ZC3H7A: variants seen among roughly 807,000 people sequenced by gnomAD.
The protein encoded by ZC3H7A is zinc finger CCCH domain-containing protein 7A.
In ZC3H7A, 44 loss-of-function variants were observed where a neutral mutation model predicts 125.5. That is an observed-to-expected ratio of 0.35 (90% CI 0.28 to 0.45). The LOEUF is 0.45. Among genes scored for constraint, ZC3H7A ranks in the 20% least tolerant of loss-of-function variants. The pLI is 1.00. For synonymous variants in ZC3H7A, 399 were observed against 391.2 expected, an observed-to-expected ratio of 1.02 and a Z score of -0.23; for missense variants, 977 against 1,170.7, an observed-to-expected ratio of 0.83 and a Z score of 2.41.
chr16:11,775,755 C>T (rs1354544446), intron 7 of ZC3H7A: 1 of 152,262 alleles, frequency 6.6e-6, no homozygotes, highest in Admixed American at 6.5e-5. Context: ...TCTTATTGCA[C>T]TGAAACCTAA....
At chr16:11,784,776 C>T (rs1454987895) in intron 1 of ZC3H7A, among the ~76,000 whole-genome samples, 1 of 150,682 alleles carries the variant, frequency 6.6e-6, no homozygotes, top group African/African-American at 2.5e-5. Context: ...ATCACTTGAA[C>T]CTGGGAGGCG....
rs1247432442 is a variant in ZC3H7A at position 11,753,092 on chromosome 16, G to A, written c.2563-260C>T. ...TGGTATGCAAACAAGGATGTTTGCT[G>A]GGAGAACAAGAGGCAGGTACAAACA... On this transcript the variant is annotated intron_variant, in intron 21 of 22. Transcript: ENST00000355758. 4 of 404,294 alleles carry A rather than the reference G, an allele frequency of 9.9e-6. No individual in the cohort carries two copies. The East Asian group carries it at 1.8e-4, about 18-fold the overall frequency. The allele number at this position is 404,294 out of a possible 1,614,324, so 25.0% of individuals were successfully genotyped here.
At chr16:11,777,432 C>G (rs2053099267) in intron 4 of ZC3H7A, among the ~76,000 whole-genome samples, 1 of 151,574 alleles carries the variant, frequency 6.6e-6, no homozygotes, top group African/African-American at 2.4e-5. Flanking sequence ...AAATTAAAAG[C>G]ACTTCAGGTT....
chr16:11,774,849 T>G, intron 8 of ZC3H7A, 131 bp downstream of exon 8: 1 of 1,139,612 alleles, frequency 8.8e-7, no homozygotes, highest in Non-Finnish European at 1.3e-6. Context: ...GAAATCATTT[T>G]CACTTTCATA....
intron 9 of ZC3H7A, among the ~76,000 whole-genome samples, chr16:11,773,868 G>C (rs984534118): frequency 6.6e-6 from 1 of 151,834 alleles, no homozygotes; most frequent in Non-Finnish European, 1.5e-5. Context: ...GGGCAACAGA[G>C]CAAGACTCCG....
chr16:11,765,423 G>T lies in ZC3H7A; in HGVS notation c.1719+66C>A. 1 of 1,200,786 alleles carries T rather than the reference G, an allele frequency of 8.3e-7. No homozygotes were observed. Among genetic ancestry groups the T allele is most frequent in the Non-Finnish European group, 1.2e-6 (1 of 855,052 alleles). 74.4% of individuals were successfully genotyped at this position (1,200,786 alleles called of 1,614,324 possible). A position where few individuals can be genotyped will look rare whatever the true frequency, so the allele number is the denominator to read the frequency against. On this transcript the variant is annotated intron_variant, in intron 14 of 22. Transcript: ENST00000355758. This position sits in a 1 kb window ranked among gnomAD's most constrained non-coding sequence, Gnocchi z 4.8. ...TACCAAGTGAATGTTTTATCACATG[G>T]CAGGACAATACCACTGGGCTTGCAA...
At chr16:11,754,321 AAT>A (rs1555493022) in intron 21 of ZC3H7A, among the ~76,000 whole-genome samples, 15 of 140,474 alleles carry the variant, frequency 1.1e-4, no homozygotes, top group African/African-American at 3.6e-4. Flanking sequence ...AAGAAAAAAA[AAT>A]ATATATATAT....
rs1433247808 is a variant in ZC3H7A at position 11,768,334 on chromosome 16, C to T, written c.1341G>A (p.Gln447=). Residue 447 remains glutamine, a synonymous_variant, in exon 12 of 23, where the codon CAG becomes CAA. Coordinates refer to ENST00000355758, the MANE Select transcript of ZC3H7A (RefSeq NM_014153.4). The part of the protein sequence containing the change: ...EGTHELRQAC[Q]ICFVKSGPKL... Reference sequence around the variant, plus strand: ...CCTGACCTGATTTTACAAAACAGATCTGGCAAGCTTGTCTCAATTCATGGG... The same window carrying T: ...CCTGACCTGATTTTACAAAACAGATTTGGCAAGCTTGTCTCAATTCATGGG... 1 of 1,553,876 alleles carries T rather than the reference C, an allele frequency of 6.4e-7. No individual in the cohort carries two copies. Among genetic ancestry groups the T allele is most frequent in the Admixed American group, 1.8e-5 (1 of 56,134 alleles).
chr16:11,796,195 A>G (rs950065593), intron 1 of ZC3H7A: 1 of 152,210 alleles, frequency 6.6e-6, no homozygotes, highest in African/African-American at 2.4e-5. Flanking sequence ...CCATCTCAAC[A>G]TGCATTTAAG....
rs2052648328 is a variant in ZC3H7A, at chr16:11,756,302, C to T, written c.2497G>A (p.Ala833Thr). 1 of 1,614,084 alleles carries T rather than the reference C, an allele frequency of 6.2e-7. No individual in the cohort carries two copies. Among genetic ancestry groups the T allele is most frequent in the African/African-American group, 1.3e-5 (1 of 75,042 alleles). ...SQKNEKSEDI[A>T]SQSNKENGKQ... ...CCATTTTCCTTGTTTGACTGACTGG[C>T]TATGTCTTCACTTTTTTCATTTTTT... is the stretch of plus-strand genomic sequence containing the variant. The change falls in exon 21 of 23, where the codon GCC becomes ACC. Residue 833 changes from alanine (A) to threonine (T), a missense_variant. By Grantham distance (58) the Ala-to-Thr change is moderately conservative (BLOSUM62 0). This residue lies in a region of ZC3H7A where 436 missense variants were observed against 603.2 expected (regional missense o/e 0.72). Transcript: ENST00000355758.
At chr16:11,777,451 T>C (rs1399769399) in intron 4 of ZC3H7A, among the ~76,000 whole-genome samples, 2 of 142,198 alleles carry the variant, frequency 1.4e-5, no homozygotes, top group African/African-American at 6.3e-5. Context: ...TTGGGCACAG[T>C]GCCTCACAGC....
intron 18 of ZC3H7A, 192 bp downstream of exon 18, chr16:11,761,718 G>GA: frequency 1.1e-6 from 1 of 883,214 alleles, no homozygotes; most frequent in Non-Finnish European, 1.7e-6. Context: ...TAAAATACAG[G>GA]AAAAAAACAC....
intron 1 of ZC3H7A, chr16:11,796,603 C>A (rs1017275976): frequency 3.3e-5 from 5 of 153,626 alleles, no homozygotes; most frequent in African/African-American, 1.2e-4. Context: ...GGCGCCCCCG[C>A]CTCCGCGGAC....
chr16:11,789,530 A>T (rs948482583), intron 1 of ZC3H7A, among the ~76,000 whole-genome samples: 1 of 152,160 alleles, frequency 6.6e-6, no homozygotes, highest in African/African-American at 2.4e-5. Flanking sequence ...CTGGAATAAC[A>T]GGCATGAGCC....
chr16:11,794,612 T>C (rs545028092), intron 1 of ZC3H7A, among the ~76,000 whole-genome samples: 77 of 152,338 alleles, frequency 5.1e-4, no homozygotes, highest in Non-Finnish European at 9.4e-4. Context: ...CACATCATAC[T>C]GTCTCTAGAA....
In ZC3H7A at chr16:11,754,414, C is replaced by T. The variant is rs910624303; in HGVS notation, c.2563-1582G>A. 4.0e-5 allele frequency among the ~76,000 whole-genome samples: 6 copies of T among 150,680 alleles called. No individual in the cohort carries two copies. The South Asian group carries it at 1.3e-3, about 31-fold the overall frequency. On this transcript the variant is annotated intron_variant, in intron 21 of 22. Transcript: ENST00000355758. ...GTGACAAAGGTAAACATTCACAGGG[C>T]ATGTCACAAGCAGAGAGACGCTGGG...
At chr16:11,792,697 A>G (rs528787075) in intron 1 of ZC3H7A, among the ~76,000 whole-genome samples, 2 of 152,338 alleles carry the variant, frequency 1.3e-5, no homozygotes, top group African/African-American at 4.8e-5. Context: ...TAAGTGACGC[A>G]GCTGGCCCAG....
At chr16:11,763,948 C>T (rs1192773459) in intron 15 of ZC3H7A, among the ~76,000 whole-genome samples, 2 of 151,188 alleles carry the variant, frequency 1.3e-5, no homozygotes, top group African/African-American at 2.4e-5. Context: ...GGACTACAGG[C>T]GCCCACCACC....
At position 11,751,310 on chromosome 16, in the gene ZC3H7A, C is replaced by T; in HGVS notation, c.*7G>A. ...CTGATTAGGTATCATACATAAAAGC[C>T]AGCATATTAGTTTAAATCTTTAAAC... On this transcript the variant is annotated 3_prime_UTR_variant, in exon 23 of 23. Transcript: ENST00000355758. 2 of 1,607,300 alleles carry T rather than the reference C, an allele frequency of 1.2e-6. No homozygotes were observed. Among genetic ancestry groups the T allele is most frequent in the Non-Finnish European group, 1.7e-6 (2 of 1,176,730 alleles).
Sources: allele counts gnomAD v4.1 joint callset (sites outside exome capture counted in the v4.1 genomes callset), GRCh38; gene constraint gnomAD v4.1.1; regional missense constraint gnomAD v4.1.1; non-coding constraint Gnocchi (gnomAD v3.1); transcripts MANE v1.5; gene names NCBI Gene and HGNC (gene_info 2026-07-23, HGNC 2026-07-21).